Variants in SAMSN1 observed in about 807,000 individuals in gnomAD.
The protein encoded by SAMSN1 is SAM domain, SH3 domain and nuclear localization signals 1.
SAMSN1 carries 31 observed loss-of-function variants against 42.0 expected under a neutral mutation model. The ratio of observed to expected loss-of-function variants is 0.74; its 90% CI spans 0.55 to 1.00. The LOEUF is 1.00. Ranked by LOEUF, SAMSN1 falls within the 50% of genes least tolerant of loss-of-function variation. The pLI is 0.00. For synonymous variants in SAMSN1, 178 were observed against 151.9 expected (o/e 1.17, Z -1.26); for missense variants, 464 against 439.4 (o/e 1.06, Z -0.50).
intron 2 of SAMSN1, among the ~76,000 whole-genome samples, chr21:14,637,958 T>G (rs1983506065): frequency 6.6e-6 from 1 of 152,068 alleles, no homozygotes; most frequent in African/African-American, 2.4e-5. Flanking sequence ...TTGGTTTGAG[T>G]GTAGTGACAC....
intron 2 of SAMSN1, among the ~76,000 whole-genome samples, chr21:14,554,846 G>A (rs571210338): frequency 6.6e-6 from 1 of 151,756 alleles, no homozygotes; most frequent in Non-Finnish European, 1.5e-5. Context: ...TTACAGACAT[G>A]CACCATAATG....
At chr21:14,491,093 T>C (rs1986666054) in intron 7 of SAMSN1, among the ~76,000 whole-genome samples, 1 of 152,156 alleles carries the variant, frequency 6.6e-6, no homozygotes, top group Admixed American at 6.6e-5. Flanking sequence ...CACACATTAT[T>C]TAATTAGGGG....
At chr21:14,620,480 T>A (rs983501464) in intron 2 of SAMSN1, among the ~76,000 whole-genome samples, 52 of 152,222 alleles carry the variant, frequency 3.4e-4, no homozygotes, top group African/African-American at 1.1e-3. Flanking sequence ...ATGAGTCCAT[T>A]AAACCTCTTT....
At chr21:14,653,368 A>C (rs1462143496) in intron 1 of SAMSN1, among the ~76,000 whole-genome samples, 1 of 152,060 alleles carries the variant, frequency 6.6e-6, no homozygotes, top group East Asian at 1.9e-4. Context: ...ACTGGAGATG[A>C]TTATGGTAAG....
chr21:14,493,270 G>T (rs1278547993), intron 7 of SAMSN1, among the ~76,000 whole-genome samples: 1 of 152,148 alleles, frequency 6.6e-6, no homozygotes, highest in Non-Finnish European at 1.5e-5. Context: ...TACCTCAAAT[G>T]CATTGTATAC....
At chr21:14,542,071 A>G (rs942950258) in intron 1 of SAMSN1, among the ~76,000 whole-genome samples, 1 of 152,118 alleles carries the variant, frequency 6.6e-6, no homozygotes, top group Non-Finnish European at 1.5e-5. Flanking sequence ...AGGTGTTGAC[A>G]TGTGTGTGGA....
intron 5 of SAMSN1, among the ~76,000 whole-genome samples, chr21:14,501,314 C>G (rs573694820): frequency 1.2e-4 from 19 of 152,220 alleles, no homozygotes; most frequent in Admixed American, 2.0e-4. Flanking sequence ...TTTGCCTACT[C>G]TAAGTTATTT....
intron 7 of SAMSN1, among the ~76,000 whole-genome samples, chr21:14,491,356 C>T (rs1292487524): frequency 6.6e-6 from 1 of 151,962 alleles, no homozygotes. Flanking sequence ...AATCCTCCTG[C>T]CTCAGCCTCC....
At position 14,623,690 on chromosome 21, in the gene SAMSN1, C is replaced by G. The variant is rs192788186; in HGVS notation, c.157-7674G>C. Among the ~76,000 whole-genome samples, 12 of 152,278 alleles carry G rather than the reference C, an allele frequency of 7.9e-5. No individual in the cohort carries two copies. In the East Asian group the frequency reaches 1.2e-3, roughly 15 times the overall value. The stretch of plus-strand genomic sequence containing the variant: ...ACAATAATAATGGGAGACTTTAACA[C>G]CTCACTGTCAACATTAGACAGATCA... On this transcript the variant is annotated intron_variant, in intron 2 of 15. Transcript: ENST00000647101.
At chr21:14,505,450 G>T (rs1987355754) in intron 5 of SAMSN1, among the ~76,000 whole-genome samples, 1 of 152,158 alleles carries the variant, frequency 6.6e-6, no homozygotes, top group Non-Finnish European at 1.5e-5. Context: ...AATAGTTACT[G>T]TTATATCAGA....
Position 14,633,722 on chromosome 21 carries a change from C to T in SAMSN1, c.156+9280G>A, listed in dbSNP as rs551275687. Among the ~76,000 whole-genome samples the T allele has an allele frequency of 6.6e-5, 10 of 152,218 alleles. No homozygotes were observed. The South Asian group carries it at 1.5e-3, about 22-fold the overall frequency. On this transcript the variant is annotated intron_variant, in intron 2 of 15. Transcript: ENST00000647101. ...GTGCTGGTGCCCTCTATCCTTCAGC[C>T]GAGACTCCCTAATGGTCAATAGCGT...
At chr21:14,607,268 A>C (rs764070192) in intron 5 of SAMSN1, among the ~76,000 whole-genome samples, 62 of 152,208 alleles carry the variant, frequency 4.1e-4, no homozygotes, top group Non-Finnish European at 7.6e-4. Flanking sequence ...TTAACAGCTA[A>C]AAAGGAGTGT....
intron 1 of SAMSN1, among the ~76,000 whole-genome samples, chr21:14,533,199 G>A (rs894767369): frequency 1.3e-5 from 2 of 152,020 alleles, no homozygotes; most frequent in Non-Finnish European, 2.9e-5. Flanking sequence ...TTACAGGTGT[G>A]AGCCACCATG....
chr21:14,623,689 A>G (rs1174256347), intron 2 of SAMSN1, among the ~76,000 whole-genome samples: 1 of 152,180 alleles, frequency 6.6e-6, no homozygotes, highest in Non-Finnish European at 1.5e-5. Context: ...AGACTTTAAC[A>G]CCTCACTGTC....
At chr21:14,560,418 C>T (rs1379340742) in intron 2 of SAMSN1, among the ~76,000 whole-genome samples, 1 of 152,094 alleles carries the variant, frequency 6.6e-6, no homozygotes, top group Non-Finnish European at 1.5e-5. Flanking sequence ...GCCAAGCTAA[C>T]TTTAGGAAGA....
At chr21:14,619,668 G>A (rs113688856) in intron 2 of SAMSN1, 4,705 of 326,986 alleles carry the variant, frequency 0.014, 87 homozygotes, top group South Asian at 0.045. Flanking sequence ...GTTCATGGCT[G>A]ATATTCCTAT....
At chr21:14,567,559 C>T (rs2822773) in intron 2 of SAMSN1, among the ~76,000 whole-genome samples, 48,280 of 151,846 alleles carry the variant, frequency 0.32, 7,948 homozygotes, top group East Asian at 0.48. Flanking sequence ...CACAAAACTA[C>T]CTCTGGGGAT....
At chr21:14,564,784 T>C (rs1478755999) in intron 2 of SAMSN1, among the ~76,000 whole-genome samples, 1 of 152,164 alleles carries the variant, frequency 6.6e-6, no homozygotes, top group African/African-American at 2.4e-5. Flanking sequence ...TGTTGTCACC[T>C]TCTCCTAAGA....
chr21:14,636,888 A>T (rs763372177), intron 2 of SAMSN1, among the ~76,000 whole-genome samples: 4 of 152,160 alleles, frequency 2.6e-5, no homozygotes, highest in Non-Finnish European at 4.4e-5. Context: ...AAAAAAGTGT[A>T]TAACTGTTTA....
Sources: gnomAD v4.1 joint callset for allele counts (sites outside exome capture counted in the v4.1 genomes callset) on GRCh38, gnomAD v4.1.1 for gene constraint, MANE v1.5 for transcripts, NCBI Gene and HGNC (gene_info 2026-07-23, HGNC 2026-07-21) for gene names.